Variants in TMEM132D observed in about 807,000 individuals in gnomAD.
The protein encoded by TMEM132D is transmembrane protein 132D.
A neutral mutation model predicts 62.3 loss-of-function variants in TMEM132D; 21 were observed. The ratio of observed to expected loss-of-function variants is 0.34; its 90% CI spans 0.24 to 0.49. The LOEUF is 0.49. Ranked by LOEUF, TMEM132D falls within the 20% of genes least tolerant of loss-of-function variation. TMEM132D has a pLI of 0.99. For missense variants in TMEM132D, 1,346 were observed against 1,402.8 expected (o/e 0.96, Z 0.65); for synonymous variants, 621 against 575.6 (o/e 1.08, Z -1.13).
chr12:129,355,818 A>C (rs1224217492), intron 3 of TMEM132D, among the ~76,000 whole-genome samples: 1 of 152,162 alleles, frequency 6.6e-6, no homozygotes, highest in African/African-American at 2.4e-5. Context: ...CCTTGCCCAC[A>C]AGCGCAAAGA....
At chr12:129,364,799 C>A (rs1870356111) in intron 3 of TMEM132D, among the ~76,000 whole-genome samples, 1 of 152,166 alleles carries the variant, frequency 6.6e-6, no homozygotes, top group Non-Finnish European at 1.5e-5. Flanking sequence ...CTCATGGAGA[C>A]CACATTCCAG....
intron 4 of TMEM132D, among the ~76,000 whole-genome samples, chr12:129,300,170 G>C (rs1430528168): frequency 6.6e-6 from 1 of 152,116 alleles, no homozygotes; most frequent in Non-Finnish European, 1.5e-5. Context: ...GAGAATACTT[G>C]AGCCAGCTAC....
intron 2 of TMEM132D, among the ~76,000 whole-genome samples, chr12:129,604,073 AC>A (rs1878552208): frequency 6.6e-6 from 1 of 152,136 alleles, no homozygotes; most frequent in South Asian, 2.1e-4. Context: ...GGAACAGAAA[AC>A]CAAACACTGC....
chr12:129,775,392 G>C (rs1451910), intron 1 of TMEM132D, among the ~76,000 whole-genome samples: 151,843 of 152,288 alleles, frequency 1, 75,699 homozygotes, highest in Middle Eastern at 1. Flanking sequence ...GTTTCCTGCT[G>C]TACCAGAACC....
intron 3 of TMEM132D, among the ~76,000 whole-genome samples, chr12:129,469,587 G>A (rs184166934): frequency 1.2e-3 from 178 of 152,278 alleles, no homozygotes; most frequent in African/African-American, 3.9e-3. Flanking sequence ...AGCAATCACT[G>A]AGCCCCTGCT....
chr12:129,284,688 T>C (rs1318671511), intron 4 of TMEM132D, among the ~76,000 whole-genome samples: 1 of 152,182 alleles, frequency 6.6e-6, no homozygotes, highest in Non-Finnish European at 1.5e-5. Context: ...GATGCATGGA[T>C]TAACAAAATA....
chr12:129,500,023 C>G (rs1593039355), intron 3 of TMEM132D, among the ~76,000 whole-genome samples: 2 of 142,592 alleles, frequency 1.4e-5, no homozygotes, highest in East Asian at 2.1e-4. Flanking sequence ...AGTGGGGAGG[C>G]AGTTCACCTG....
At chr12:129,664,402 A>T (rs535899490) in intron 2 of TMEM132D, among the ~76,000 whole-genome samples, 1 of 150,146 alleles carries the variant, frequency 6.7e-6, no homozygotes, top group Non-Finnish European at 1.5e-5. Flanking sequence ...TTCTATCTTG[A>T]CATTCTACAA....
chr12:129,103,296 C>T (rs764470317), intron 5 of TMEM132D, among the ~76,000 whole-genome samples: 9 of 152,214 alleles, frequency 5.9e-5, no homozygotes, highest in African/African-American at 9.6e-5. Context: ...TTCCTTCCCA[C>T]AGCAGCAACT....
intron 2 of TMEM132D, among the ~76,000 whole-genome samples, chr12:129,672,034 T>C (rs568707424): frequency 2.0e-5 from 3 of 152,326 alleles, no homozygotes; most frequent in Non-Finnish European, 4.4e-5. Flanking sequence ...GGTAATGACC[T>C]GATCGTGCAA....
intron 2 of TMEM132D, among the ~76,000 whole-genome samples, chr12:129,563,321 T>C (rs1191181903): frequency 6.6e-6 from 1 of 152,246 alleles, no homozygotes; most frequent in African/African-American, 2.4e-5. Flanking sequence ...TTAGAAGGCA[T>C]ACAGCTTTAG....
At chr12:129,566,378 C>G (rs912686709) in intron 2 of TMEM132D, among the ~76,000 whole-genome samples, 2 of 152,140 alleles carry the variant, frequency 1.3e-5, no homozygotes, top group Admixed American at 1.3e-4. Context: ...GAACCCCCTC[C>G]TCTTAGCCAA....
At position 129,221,862 on chromosome 12, in the gene TMEM132D, T is replaced by A. The variant is rs191895198; in HGVS notation, c.1300-12199A>T. ...CGACAATGATGGGCTGTGGGTTTTTTATTTCTTCCACATTAAACATAAGAG... is the reference window on the plus strand; with the variant it reads ...CGACAATGATGGGCTGTGGGTTTTTAATTTCTTCCACATTAAACATAAGAG... On this transcript the variant is annotated intron_variant, in intron 4 of 8. Transcript: ENST00000422113. 1.3e-3 allele frequency among the ~76,000 whole-genome samples: 201 copies of A among 152,290 alleles called. 1 individual carries two copies. The highest frequency in any genetic ancestry group is 0.012 in the Admixed American group (179 of 15,294).
intron 4 of TMEM132D, among the ~76,000 whole-genome samples, chr12:129,320,119 A>G (rs1431616549): frequency 1.3e-5 from 2 of 152,310 alleles, no homozygotes; most frequent in Admixed American, 1.3e-4. Context: ...AGTCACAGAG[A>G]GTTGGCTGGG....
chr12:129,445,961 C>G (rs1488615235), intron 3 of TMEM132D, among the ~76,000 whole-genome samples: 1 of 152,098 alleles, frequency 6.6e-6, no homozygotes, highest in Non-Finnish European at 1.5e-5. Context: ...AGGTGTAGAC[C>G]TGAGGTGTCC....
At chr12:129,818,244 CTG>C (rs1364459597) in intron 1 of TMEM132D, among the ~76,000 whole-genome samples, 3 of 83,788 alleles carry the variant, frequency 3.6e-5, no homozygotes, top group African/African-American at 1.5e-4. Context: ...TGGGGTGTGT[CTG>C]TGTAGTGTGA....
chr12:129,561,183 T>C (rs978958292), intron 2 of TMEM132D, among the ~76,000 whole-genome samples: 2 of 152,224 alleles, frequency 1.3e-5, no homozygotes, highest in African/African-American at 4.8e-5. Flanking sequence ...CGTAAAAACA[T>C]GTCTGTAAGA....
At chr12:129,787,927 A>G (rs891151108) in intron 1 of TMEM132D, among the ~76,000 whole-genome samples, 13 of 152,348 alleles carry the variant, frequency 8.5e-5, no homozygotes, top group Non-Finnish European at 1.8e-4. Flanking sequence ...AAAAACCTTC[A>G]GATGAGAGGG....
At chr12:129,828,738 AGGAG>A (rs369280835) in intron 1 of TMEM132D, among the ~76,000 whole-genome samples, 4 of 7,060 alleles carry the variant, frequency 5.7e-4, no homozygotes, top group African/African-American at 2.5e-3. Flanking sequence ...GAGGGAGGAA[AGGAG>A]GGAGGGAGGG....
Sources: gnomAD v4.1 joint callset for allele counts (sites outside exome capture counted in the v4.1 genomes callset) on GRCh38, gnomAD v4.1.1 for gene constraint, MANE v1.5 for transcripts, NCBI Gene and HGNC (gene_info 2026-07-23, HGNC 2026-07-21) for gene names.